Variants in NHSL1 observed in about 807,000 individuals in gnomAD.
NHSL1 encodes the protein NHS like 1, also known as NHS-like protein 1.
NHSL1 carries 48 observed loss-of-function variants against 95.0 expected under a neutral mutation model. The ratio of observed to expected loss-of-function variants is 0.51; its 90% CI spans 0.40 to 0.64. The LOEUF (loss-of-function observed/expected upper bound fraction) is 0.64, where lower values mean the gene tolerates loss of function less well. Ranked by LOEUF, NHSL1 falls within the 30% of genes least tolerant of loss-of-function variation. The pLI is 0.00. For missense variants in NHSL1, 1,971 were observed against 2,077.7 expected (o/e 0.95, Z 1.00); for synonymous variants, 783 against 833.9 (o/e 0.94, Z 1.05).
In NHSL1 at chr6:138,442,079, A is replaced by G. The variant is rs1233396531; in HGVS notation, c.568T>C (p.Ser190Pro). 2 of 1,550,976 alleles carry G rather than the reference A, an allele frequency of 1.3e-6. No homozygotes were observed. The highest frequency in any genetic ancestry group is 3.9e-5 in the Admixed American group (2 of 50,882). Residue 190 changes from serine to proline, a missense_variant, in exon 5 of 8, where the codon TCT becomes CCT. Ser to Pro is a moderately conservative substitution (Grantham distance 74). This residue lies in a region of NHSL1 where 1,602 missense variants were observed against 1,654.5 expected (regional missense o/e 0.97). Coordinates refer to ENST00000343505, the MANE Select transcript of NHSL1 (RefSeq NM_001144060.2). ...NFDRQASLRR[S>P]LIYTDTLVRR... Reference sequence around the variant, plus strand: ...ACCAGAGTGTCTGTGTAAATTAGAGACCGCCGAAGGCTGGCCTGGCGATCG... The same window carrying G: ...ACCAGAGTGTCTGTGTAAATTAGAGGCCGCCGAAGGCTGGCCTGGCGATCG...
Position 138,472,289 on chromosome 6 carries a change from G to A in NHSL1, c.339+1017C>T, listed in dbSNP as rs925773960. On this transcript the variant is annotated intron_variant, in intron 3 of 7. Transcript: ENST00000343505. ...CTTTTGCTTTTTGAGGCAGGGTCTTGTTTTATTGCCCAGGTTGGAGTACAA... is the reference window on the plus strand; with the variant it reads ...CTTTTGCTTTTTGAGGCAGGGTCTTATTTTATTGCCCAGGTTGGAGTACAA... 2.5e-4 allele frequency among the ~76,000 whole-genome samples: 38 copies of A among 151,940 alleles called. 1 individual carries two copies. The highest frequency in any genetic ancestry group is 7.4e-5 in the Non-Finnish European group (5 of 67,984).
chr6:138,433,649 G>A lies in NHSL1; in HGVS notation c.696C>T (p.Gly232=). The change falls in exon 6 of 8, where the codon GGC becomes GGT. Residue 232 remains glycine (G), a synonymous_variant. Transcript: ENST00000343505. ...AGTGATCAGGGGTGTACACTGAGTG[G>A]CCATCAGCATCATCTTGGCCAGTGC... ...ASGTGQDDAD[G]HSVYTPDHYS... 6.5e-7 allele frequency: 1 copy of A among 1,545,254 alleles called. No individual in the cohort carries two copies. Among genetic ancestry groups the A allele is most frequent in the Admixed American group, 2.0e-5 (1 of 50,722 alleles).
chr6:138,493,709 T>C (rs1780200944), intron 2 of NHSL1, among the ~76,000 whole-genome samples: 1 of 152,228 alleles, frequency 6.6e-6, no homozygotes, highest in South Asian at 2.1e-4. Context: ...TATTAGCAAT[T>C]TGGTGGAGGA....
At chr6:138,691,855 C>A (rs1390504010) in intron 1 of NHSL1, 1 of 455,298 alleles carries the variant, frequency 2.2e-6, no homozygotes, top group Non-Finnish European at 4.4e-6. Context: ...TCAAGGTCAA[C>A]GTCTTCTGAA....
chr6:138,430,488 T>C lies in NHSL1; in HGVS notation c.3857A>G (p.Asp1286Gly), dbSNP rs1775561165. The C allele has an allele frequency of 6.4e-7, 1 of 1,551,192 alleles. No individual in the cohort carries two copies. The highest frequency in any genetic ancestry group is 1.4e-5 in the African/African-American group (1 of 73,128). ...VEANVPMVQP[D>G]VSPAPKQEEP... The stretch of plus-strand genomic sequence containing the variant: ...CTCCTGCTTGGGGGCTGGTGAGACA[T>C]CAGGCTGAACCATGGGGACATTGGC... The change falls in exon 6 of 8, where the codon GAT becomes GGT. Residue 1286 changes from aspartate (D) to glycine (G), a missense_variant. By Grantham distance (94) the Asp-to-Gly change is moderately conservative. Around this residue, in one of 3 missense-constraint regions of NHSL1, gnomAD observed 1,602 missense variants for 1,654.5 expected, o/e 0.97. Coordinates refer to ENST00000343505, the MANE Select transcript of NHSL1 (RefSeq NM_001144060.2). The surrounding 1 kb of genome is among the most constrained non-coding windows in gnomAD (Gnocchi z 4.7).
At chr6:138,605,931 T>C (rs1784427756) in intron 1 of NHSL1, among the ~76,000 whole-genome samples, 1 of 152,218 alleles carries the variant, frequency 6.6e-6, no homozygotes, top group Non-Finnish European at 1.5e-5. Context: ...ATCCTTTGAT[T>C]TCTAATTGCA....
Position 138,424,217 on chromosome 6 carries a change from T to TC in NHSL1, c.4684dup (p.Glu1562GlyfsTer51). ...CCCCTCCCCACAGAGCAGGCCGCCC[T>TC]CGTCCATCTCCTCCCTCGCCAGTCC... is the stretch of plus-strand genomic sequence containing the variant. On this transcript the variant is annotated frameshift_variant, in exon 8 of 8. Transcript: ENST00000343505. LOFTEE classifies it low-confidence loss of function (END_TRUNC). This position sits in a 1 kb window ranked among gnomAD's most constrained non-coding sequence, Gnocchi z 5.9. The TC allele has an allele frequency of 1.3e-6, 2 of 1,504,402 alleles. No homozygotes were observed. The highest frequency in any genetic ancestry group is 8.9e-7 in the Non-Finnish European group (1 of 1,128,502). 93.2% of individuals were successfully genotyped at this position (1,504,402 alleles called of 1,614,324 possible).
At chr6:138,662,601 T>C (rs1785240913) in intron 1 of NHSL1, among the ~76,000 whole-genome samples, 1 of 152,224 alleles carries the variant, frequency 6.6e-6, no homozygotes, top group Admixed American at 6.5e-5. Flanking sequence ...CCTCCTCCTG[T>C]GTTTTCTCAT....
At chr6:138,593,327 G>A (rs534123966) in intron 1 of NHSL1, among the ~76,000 whole-genome samples, 8 of 152,318 alleles carry the variant, frequency 5.3e-5, no homozygotes, top group East Asian at 3.9e-4. Context: ...TCTGAAGTTC[G>A]TGATTCCCCG....
At chr6:138,498,653 G>T (rs1044091782) in intron 1 of NHSL1, among the ~76,000 whole-genome samples, 12 of 152,176 alleles carry the variant, frequency 7.9e-5, no homozygotes, top group African/African-American at 2.7e-4. Flanking sequence ...TAAGTCAATG[G>T]TAAGTACACA....
At position 138,424,797 on chromosome 6, in the gene NHSL1, C is replaced by T. The variant is rs1319950729; in HGVS notation, c.4105G>A (p.Gly1369Ser). 12 of 1,549,980 alleles carry T rather than the reference C, an allele frequency of 7.7e-6. No individual in the cohort carries two copies. Among genetic ancestry groups the T allele is most frequent in the Non-Finnish European group, 3.5e-6 (4 of 1,146,006 alleles). The change falls in exon 8 of 8, where the codon GGC becomes AGC. Residue 1369 changes from glycine (G) to serine (S), a missense_variant. Around this residue, in one of 3 missense-constraint regions of NHSL1, gnomAD observed 146 missense variants for 206.3 expected, o/e 0.71. Coordinates refer to ENST00000343505, the MANE Select transcript of NHSL1 (RefSeq NM_001144060.2). This position sits in a 1 kb window ranked among gnomAD's most constrained non-coding sequence, Gnocchi z 5.9. ...AIHRSKRKVL[G>S]RRDSDDDHSR... The stretch of plus-strand genomic sequence containing the variant: ...TGGTCATCATCTGAATCTCTACGGC[C>T]GAGGACTTTCCTTTTGGATCTGAGA...
At chr6:138,488,526 G>T (rs1779854216) in intron 2 of NHSL1, among the ~76,000 whole-genome samples, 1 of 152,060 alleles carries the variant, frequency 6.6e-6, no homozygotes, top group South Asian at 2.1e-4. Flanking sequence ...AGCACCAAAA[G>T]CCATTAAGAT....
Position 138,433,128 on chromosome 6 carries a change from G to C in NHSL1, c.1217C>G (p.Ala406Gly). 5 of 1,550,878 alleles carry C rather than the reference G, an allele frequency of 3.2e-6. No homozygotes were observed. In the African/African-American group the frequency reaches 5.5e-5, roughly 17 times the overall value. The change falls in exon 6 of 8, where the codon GCA (alanine) becomes GGA (glycine). Residue 406 changes from alanine (A) to glycine (G), a missense_variant. Ala to Gly is a moderately conservative substitution (Grantham distance 60). Around this residue, in one of 3 missense-constraint regions of NHSL1, gnomAD observed 1,602 missense variants for 1,654.5 expected, o/e 0.97. Transcript: ENST00000343505. ...TGGGATGATGCTGGTGGAGTAGGTTGCATGAGGAGAAACCACACACGCTGG... is the reference window on the plus strand; with the variant it reads ...TGGGATGATGCTGGTGGAGTAGGTTCCATGAGGAGAAACCACACACGCTGG... ...MSPACVVSPH[A>G]TYSTSIIPNA...
chr6:138,429,131 C>CG (rs1775456288), intron 7 of NHSL1, among the ~76,000 whole-genome samples: 1 of 152,092 alleles, frequency 6.6e-6, no homozygotes, highest in Admixed American at 6.5e-5. Flanking sequence ...TTAAACCCAA[C>CG]GATTTCTGAT....
At chr6:138,457,861 A>G (rs1236088821) in intron 3 of NHSL1, among the ~76,000 whole-genome samples, 1 of 152,078 alleles carries the variant, frequency 6.6e-6, no homozygotes, top group Non-Finnish European at 1.5e-5. Flanking sequence ...TACAAAAATT[A>G]GCTGGGCATG....
In NHSL1 at chr6:138,467,130, AT is replaced by A. The variant is rs1382736230; in HGVS notation, c.339+6175del. On this transcript the variant is annotated intron_variant, in intron 3 of 7. Transcript: ENST00000343505. ...CTGGTTTATGTATTTACCATACTAT[AT>A]TTTTTGTTATTTTATTTTATTTTAT... 5.3e-5 allele frequency among the ~76,000 whole-genome samples: 8 copies of A among 151,908 alleles called. No individual in the cohort carries two copies. In the East Asian group the frequency reaches 1.5e-3, roughly 29 times the overall value.
At chr6:138,444,984 T>C (rs926184364) in intron 4 of NHSL1, among the ~76,000 whole-genome samples, 1 of 152,346 alleles carries the variant, frequency 6.6e-6, no homozygotes, top group Non-Finnish European at 1.5e-5. Flanking sequence ...GCTCTTTCTT[T>C]ATTGTCATTC....
intron 1 of NHSL1, among the ~76,000 whole-genome samples, chr6:138,521,010 G>C (rs1781657359): frequency 6.6e-6 from 1 of 152,124 alleles, no homozygotes. Context: ...CCCTCATACA[G>C]GTATGCCTAT....
rs1489699368 is a variant in NHSL1 at position 138,670,389 on chromosome 6, G to A, written c.96+22087C>T. On this transcript the variant is annotated intron_variant, in intron 1 of 3. Transcript: ENST00000491526. Reference sequence around the variant, plus strand: ...TGAAGGTAAAAAAAAAAAAAAGGCCGGGCGCGGTGGCTCACGCCTATAATC... The same window carrying A: ...TGAAGGTAAAAAAAAAAAAAAGGCCAGGCGCGGTGGCTCACGCCTATAATC... Among the ~76,000 whole-genome samples, 12 of 151,222 alleles carry A rather than the reference G, an allele frequency of 7.9e-5. No homozygotes were observed. The East Asian group carries it at 9.7e-4, about 12-fold the overall frequency.
Sources: gnomAD v4.1 joint callset for allele counts (sites outside exome capture counted in the v4.1 genomes callset) on GRCh38, gnomAD v4.1.1 for gene constraint, gnomAD v4.1.1 regional missense constraint, Gnocchi (gnomAD v3.1) non-coding constraint, MANE v1.5 for transcripts, NCBI Gene and HGNC (gene_info 2026-07-23, HGNC 2026-07-21) for gene names.